FAM234A: variants seen among roughly 807,000 people sequenced by gnomAD.
FAM234A encodes protein FAM234A.
A neutral mutation model predicts 49.1 loss-of-function variants in FAM234A; 42 were observed. The observed-to-expected ratio is 0.86, with a 90% CI of 0.67 to 1.11. FAM234A has a LOEUF of 1.11. Ranked by LOEUF, FAM234A falls within the 50% of genes least tolerant of loss-of-function variation. The probability of loss-of-function intolerance (pLI) is 0.00; values close to 1 mark genes in which losing one functional copy is unlikely to be tolerated. For synonymous variants in FAM234A, 369 were observed against 316.2 expected (o/e 1.17, Z -1.77); for missense variants, 815 against 745.2 (o/e 1.09, Z -1.09).
intron 2 of FAM234A, among the ~76,000 whole-genome samples, chr16:251,679 G>GTTTTTTTTT (rs1172222528): frequency 3.3e-5 from 3 of 91,146 alleles, no homozygotes; most frequent in Non-Finnish European, 6.0e-5. Context: ...GCCTAGCCAG[G>GTTTTTTTTT]TTTTTTTTTT....
chr16:264,277 TCA>T, intron 11 of FAM234A, 106 bp downstream of exon 11: 1 of 1,205,810 alleles, frequency 8.3e-7, no homozygotes, highest in South Asian at 1.5e-5. Context: ...CTGGGCAACC[TCA>T]CATAAGTTGA....
chr16:263,883 T>C (rs1460118784), intron 10 of FAM234A, 108 bp downstream of exon 10: 3 of 1,393,826 alleles, frequency 2.2e-6, no homozygotes, highest in Non-Finnish European at 1.0e-6. Context: ...TCAGAGCTGC[T>C]GAGAAGGTTC....
rs7189326 is a variant in FAM234A at position 263,407 on chromosome 16, A to G, written c.1112+5A>G. The stretch of plus-strand genomic sequence containing the variant: ...CAAGGCAGCCCATGTCCTGAGGTAC[A>G]GGGTTTCCCCAAGGACCGCGCAGGT... On this transcript the variant is annotated splice_donor_5th_base_variant and intron_variant, in intron 9 of 12. Transcript: ENST00000399932. The G allele has an allele frequency of 0.25, 393,973 of 1,607,800 alleles. 54,892 individuals carry two copies. Among genetic ancestry groups the G allele is most frequent in the African/African-American group, 0.56 (41,921 of 74,992 alleles).
rs370983209 is a variant in FAM234A at position 241,905 on chromosome 16, CAAA to C, written c.-140+7064_-140+7066del. The stretch of plus-strand genomic sequence containing the variant: ...TGGGCGACAGAGCGAGACAACGTCT[CAAA>C]AAAAAAAAAAAAAAAGGCAATTAGA... On this transcript the variant is annotated intron_variant, in intron 1 of 12. Transcript: ENST00000399932. Among the ~76,000 whole-genome samples, 384 of 79,062 alleles carry C rather than the reference CAAA, an allele frequency of 4.9e-3. 5 individuals carry two copies. The highest frequency in any genetic ancestry group is 0.015 in the African/African-American group (343 of 23,390). 51.9% of individuals were successfully genotyped at this position (79,062 alleles called of 152,430 possible).
chr16:262,997 T>C (rs2051536486), intron 8 of FAM234A, among the ~76,000 whole-genome samples: 1 of 152,074 alleles, frequency 6.6e-6, no homozygotes, highest in Non-Finnish European at 1.5e-5. Context: ...TTTTTGCATT[T>C]TTAGTAGAGA....
At chr16:251,352 T>G (rs573426253) in intron 2 of FAM234A, among the ~76,000 whole-genome samples, 3 of 152,300 alleles carry the variant, frequency 2.0e-5, no homozygotes, top group East Asian at 3.9e-4. Flanking sequence ...AGTTTTTGTT[T>G]GAGCCTCTGC....
At chr16:241,210 T>C (rs1441625109) in intron 1 of FAM234A, among the ~76,000 whole-genome samples, 1 of 151,862 alleles carries the variant, frequency 6.6e-6, no homozygotes, top group South Asian at 2.1e-4. Context: ...ATTACAAATG[T>C]ATGCTACTGT....
At chr16:266,418 G>T (rs2051694738), downstream of FAM234A, among the ~76,000 whole-genome samples, 2 of 152,224 alleles carry the variant, frequency 1.3e-5, no homozygotes, top group South Asian at 4.1e-4. Context: ...ACGTCTGAGG[G>T]CTGGCTGGAG....
At chr16:254,211 TGTTAA>T (rs1330976653) in intron 2 of FAM234A, 165 bp from the exon 3 acceptor site, 1 of 649,616 alleles carries the variant, frequency 1.5e-6, no homozygotes, top group Non-Finnish European at 2.7e-6. Flanking sequence ...AAGTATAATC[TGTTAA>T]GACTGACACC....
chr16:238,787 G>GA (rs1384872718), intron 1 of FAM234A, among the ~76,000 whole-genome samples: 33 of 76,248 alleles, frequency 4.3e-4, no homozygotes, highest in African/African-American at 1.2e-3. Context: ...AAAAAAAAAA[G>GA]AAAAAAAAAA....
downstream of FAM234A, chr16:268,454 A>G: frequency 1.1e-5 from 5 of 436,220 alleles, no homozygotes; most frequent in Non-Finnish European, 1.3e-5. Context: ...AGCCAGCTGT[A>G]CCTTCACCCA....
chr16:247,635 G>A (rs1042026354), intron 1 of FAM234A, among the ~76,000 whole-genome samples: 2 of 151,938 alleles, frequency 1.3e-5, no homozygotes, highest in African/African-American at 4.9e-5. Context: ...GTTTCACCAT[G>A]TTGGCCAGGC....
At chr16:263,920 G>T in intron 10 of FAM234A, 96 bp from the exon 11 acceptor site, 1 of 1,462,112 alleles carries the variant, frequency 6.8e-7, no homozygotes, top group Middle Eastern at 1.8e-4. Context: ...TCTGCCTCCA[G>T]GGCTGGCATG....
chr16:239,335 C>A (rs182792840), intron 1 of FAM234A, among the ~76,000 whole-genome samples: 4 of 142,898 alleles, frequency 2.8e-5, no homozygotes, highest in Admixed American at 7.1e-5. Flanking sequence ...AAAATTGTGC[C>A]GGATGCGGTG....
At chr16:254,196 T>A in intron 2 of FAM234A, 185 bp from the exon 3 acceptor site, 1 of 607,334 alleles carries the variant, frequency 1.6e-6, no homozygotes, top group Non-Finnish European at 2.9e-6. Flanking sequence ...ATTAGAGACC[T>A]TCTTAAGTAT....
At chr16:267,122 C>T (rs987352033), downstream of FAM234A, among the ~76,000 whole-genome samples, 5 of 152,106 alleles carry the variant, frequency 3.3e-5, no homozygotes, top group Admixed American at 6.5e-5. Context: ...GTGGTCACTG[C>T]GGGCCCTAGA....
intron 1 of FAM234A, among the ~76,000 whole-genome samples, chr16:244,115 C>G (rs1180173278): frequency 6.6e-6 from 1 of 151,882 alleles, no homozygotes; most frequent in Non-Finnish European, 1.5e-5. Flanking sequence ...ACTACAGGCA[C>G]CCGCCACCAC....
intron 1 of FAM234A, among the ~76,000 whole-genome samples, chr16:244,050 C>G (rs558663830): frequency 1.3e-3 from 196 of 151,764 alleles, no homozygotes; most frequent in African/African-American, 4.2e-3. Flanking sequence ...CTCACTGCAA[C>G]CTCCGCCTCC....
At chr16:263,833 C>A (rs774107610) in intron 10 of FAM234A, 58 bp downstream of exon 10, 10 of 1,493,696 alleles carry the variant, frequency 6.7e-6, no homozygotes, top group Non-Finnish European at 9.3e-6. Flanking sequence ...ATAGACTGGT[C>A]TGAAAGCAGA....
Sources: gnomAD v4.1 joint callset for allele counts (sites outside exome capture counted in the v4.1 genomes callset) on GRCh38, gnomAD v4.1.1 for gene constraint, MANE v1.5 for transcripts, NCBI Gene and HGNC (gene_info 2026-07-23, HGNC 2026-07-21) for gene names.